The following NLGN1 variants were observed in gnomAD, a reference collection of about 807,000 sequenced individuals.
The protein encoded by NLGN1 is neuroligin 1, also known as neuroligin-1.
In NLGN1, 12 loss-of-function variants were observed where a neutral mutation model predicts 65.5. The observed-to-expected ratio is 0.18, with a 90% CI of 0.12 to 0.30. The LOEUF is 0.30. Among genes scored for constraint, NLGN1 ranks in the 10% least tolerant of loss-of-function variants. The pLI, the probability that NLGN1 is intolerant of heterozygous loss-of-function variation, is 1.00. For missense variants in NLGN1, 750 were observed against 1,007.1 expected (o/e 0.74, Z 3.46); for synonymous variants, 350 against 359.5 (o/e 0.97, Z 0.30).
At position 173,439,532 on chromosome 3, in the gene NLGN1, C is replaced by CAAA. The variant is rs200232920; in HGVS notation, c.-321+4467_-321+4469dup. 7.7e-4 allele frequency among the ~76,000 whole-genome samples: 95 copies of CAAA among 122,900 alleles called. 1 individual carries two copies. The highest frequency in any genetic ancestry group is 4.2e-3 in the Middle Eastern group (1 of 236). The allele number at this position is 122,900 out of a possible 152,430, so 80.6% of individuals were successfully genotyped here. On this transcript the variant is annotated intron_variant, in intron 2 of 6. Transcript: ENST00000457714. ...GTTAAAAGGACTGCTCATTCACCTG[C>CAAA]AAAAAAAAAAAAAAAGTACAGGAAC...
At chr3:174,160,591 G>A (rs1336967821) in intron 4 of NLGN1, among the ~76,000 whole-genome samples, 2 of 151,088 alleles carry the variant, frequency 1.3e-5, no homozygotes, top group Non-Finnish European at 3.0e-5. Flanking sequence ...AGAGATGACT[G>A]CAAAGCATAA....
intron 4 of NLGN1, among the ~76,000 whole-genome samples, chr3:174,177,637 A>G (rs539180957): frequency 1.4e-4 from 22 of 152,206 alleles, no homozygotes; most frequent in South Asian, 1.2e-3. Flanking sequence ...TTGGACGCCA[A>G]CTAAAGAACT....
intron 2 of NLGN1, among the ~76,000 whole-genome samples, chr3:173,473,863 C>T (rs115626912): frequency 0.019 from 2,896 of 152,278 alleles, 41 homozygotes; most frequent in Non-Finnish European, 0.031. Flanking sequence ...GCGAATAACA[C>T]AGCCTTCTTC....
At chr3:173,559,296 G>C (rs147811333) in intron 2 of NLGN1, among the ~76,000 whole-genome samples, 2 of 152,146 alleles carry the variant, frequency 1.3e-5, no homozygotes, top group Non-Finnish European at 2.9e-5. Context: ...GTCTCTTTCT[G>C]ATCTACATAC....
chr3:173,536,321 A>C (rs1737423098), intron 2 of NLGN1, among the ~76,000 whole-genome samples: 2 of 152,138 alleles, frequency 1.3e-5, no homozygotes, highest in Non-Finnish European at 2.9e-5. Context: ...ATTCTATTTT[A>C]ATTGTGATGT....
chr3:173,624,087 T>C (rs73174596), intron 3 of NLGN1, among the ~76,000 whole-genome samples: 3,371 of 152,094 alleles, frequency 0.022, 80 homozygotes, highest in South Asian at 0.11. Context: ...GTTGATAGAG[T>C]TCTTGACCCA....
At chr3:173,703,503 C>A (rs769878733) in intron 3 of NLGN1, among the ~76,000 whole-genome samples, 2 of 152,014 alleles carry the variant, frequency 1.3e-5, no homozygotes, top group Non-Finnish European at 2.9e-5. Flanking sequence ...GTTTTACTAA[C>A]GTTTGTGTTT....
intron 2 of NLGN1, among the ~76,000 whole-genome samples, chr3:173,586,825 TGA>T (rs1326501000): frequency 6.6e-6 from 1 of 152,210 alleles, no homozygotes; most frequent in Non-Finnish European, 1.5e-5. Flanking sequence ...ACGTGCAGAC[TGA>T]GAGTAGAAGA....
intron 4 of NLGN1, among the ~76,000 whole-genome samples, chr3:173,858,907 G>A (rs1264382647): frequency 6.6e-6 from 1 of 152,032 alleles, no homozygotes; most frequent in Non-Finnish European, 1.5e-5. Context: ...AAACCACATT[G>A]ATAATGTCAG....
chr3:173,955,478 A>G (rs896649537), intron 4 of NLGN1, among the ~76,000 whole-genome samples: 1 of 152,176 alleles, frequency 6.6e-6, no homozygotes, highest in Non-Finnish European at 1.5e-5. Flanking sequence ...ACAGTTTCTA[A>G]TTTTACATAA....
chr3:174,102,999 C>A (rs1712895381), intron 4 of NLGN1, among the ~76,000 whole-genome samples: 1 of 152,076 alleles, frequency 6.6e-6, no homozygotes, highest in African/African-American at 2.4e-5. Flanking sequence ...ACAATTAAAC[C>A]TTTTTATCAA....
At chr3:174,212,295 C>T (rs1284152292) in intron 4 of NLGN1, among the ~76,000 whole-genome samples, 4 of 152,188 alleles carry the variant, frequency 2.6e-5, no homozygotes, top group African/African-American at 7.2e-5. Context: ...CACGCCTACC[C>T]GGAACTCCAG....
rs572757070 is a variant in NLGN1 at position 173,485,227 on chromosome 3, A to G, written c.-321+50149A>G. ...AAAGACCCGCCCCCATGATTCAGTC[A>G]TCTCCCACTGAGTCCCTCCCACAAC... On this transcript the variant is annotated intron_variant, in intron 2 of 6. Transcript: ENST00000457714. 2.6e-3 allele frequency among the ~76,000 whole-genome samples: 397 copies of G among 151,966 alleles called. 1 individual carries two copies. The highest frequency in any genetic ancestry group is 9.1e-3 in the African/African-American group (377 of 41,434).
In NLGN1 at chr3:173,914,526, C is replaced by T. The variant is rs1011179168; in HGVS notation, c.646+106694C>T. 8.6e-5 allele frequency among the ~76,000 whole-genome samples: 12 copies of T among 139,426 alleles called. No homozygotes were observed. The South Asian group carries it at 1.4e-3, about 17-fold the overall frequency. The allele number at this position is 139,426 out of a possible 152,430, so 91.5% of individuals were successfully genotyped here. ...ATGTATGTGTGTATATATACACATA[C>T]ATCTATACATACACACACACACACA... On this transcript the variant is annotated intron_variant, in intron 4 of 6. Transcript: ENST00000457714.
intron 4 of NLGN1, among the ~76,000 whole-genome samples, chr3:173,974,242 G>A (rs966233814): frequency 6.6e-6 from 1 of 151,122 alleles, no homozygotes. Flanking sequence ...AAAAAAAAAA[G>A]GTTTTGTTAT....
chr3:174,201,780 T>C (rs1191752919), intron 4 of NLGN1, among the ~76,000 whole-genome samples: 2 of 152,222 alleles, frequency 1.3e-5, no homozygotes, highest in Non-Finnish European at 2.9e-5. Flanking sequence ...CTCATTTATA[T>C]GGACAATATA....
chr3:173,460,101 A>C (rs957411547), intron 2 of NLGN1, among the ~76,000 whole-genome samples: 7 of 152,108 alleles, frequency 4.6e-5, no homozygotes, highest in Non-Finnish European at 8.8e-5. Flanking sequence ...CTACTAATGT[A>C]GGCCTGGTAC....
At chr3:174,184,316 C>A (rs4894649) in intron 4 of NLGN1, among the ~76,000 whole-genome samples, 113,488 of 151,936 alleles carry the variant, frequency 0.75, 42,459 homozygotes, top group Admixed American at 0.77. Context: ...AAAAAACACT[C>A]AGCCAAATAT....
At chr3:173,477,068 A>G (rs182330386) in intron 2 of NLGN1, among the ~76,000 whole-genome samples, 1 of 152,260 alleles carries the variant, frequency 6.6e-6, no homozygotes, top group Non-Finnish European at 1.5e-5. Flanking sequence ...ACCTAGTGAA[A>G]TGAGCATCAG....
Sources: gnomAD v4.1 joint callset for allele counts (sites outside exome capture counted in the v4.1 genomes callset) on GRCh38, gnomAD v4.1.1 for gene constraint, MANE v1.5 for transcripts, NCBI Gene and HGNC (gene_info 2026-07-23, HGNC 2026-07-21) for gene names.